Variants in TIAM1 observed in about 807,000 individuals in gnomAD.
TIAM1 encodes the protein rho guanine nucleotide exchange factor TIAM1.
In TIAM1, 65 loss-of-function variants were observed where a neutral mutation model predicts 163.5. The observed-to-expected ratio is 0.40, with a 90% CI of 0.33 to 0.49. The LOEUF (loss-of-function observed/expected upper bound fraction) is 0.49. Among genes scored for constraint, TIAM1 ranks in the 20% least tolerant of loss-of-function variants. The probability of loss-of-function intolerance (pLI) is 0.77; values close to 1 mark genes in which losing one functional copy is unlikely to be tolerated. For missense variants in TIAM1, 1,789 were observed against 2,044.7 expected, an observed-to-expected ratio of 0.87 and a Z score of 2.41; for synonymous variants, 833 against 810.1, an observed-to-expected ratio of 1.03 and a Z score of -0.48.
At chr21:31,304,918 C>T (rs915254588) in intron 2 of TIAM1, among the ~76,000 whole-genome samples, 41 of 152,280 alleles carry the variant, frequency 2.7e-4, no homozygotes, top group African/African-American at 6.7e-4. Flanking sequence ...GTCTCAAACT[C>T]CTGACCTCAA....
intron 1 of TIAM1, among the ~76,000 whole-genome samples, chr21:31,529,272 GA>G (rs922528863): frequency 7.3e-5 from 11 of 150,424 alleles, no homozygotes; most frequent in African/African-American, 2.7e-4. Flanking sequence ...GGGAAAGGTG[GA>G]AAAAAAAAGT....
chr21:31,202,250 AC>A (rs764787046), intron 12 of TIAM1, among the ~76,000 whole-genome samples: 8 of 152,088 alleles, frequency 5.3e-5, no homozygotes, highest in Non-Finnish European at 1.0e-4. Flanking sequence ...TTTTTAAGTC[AC>A]CAATTAAAAT....
At chr21:31,210,648 A>G (rs1455565387) in intron 10 of TIAM1, among the ~76,000 whole-genome samples, 471 of 24,016 alleles carry the variant, frequency 0.02, 21 homozygotes, top group African/African-American at 0.03. Context: ...AAAGAAAGAA[A>G]GAAAGAAAGA....
Position 31,165,010 on chromosome 21 carries a change from G to C in TIAM1, c.2943C>G (p.Thr981=). 6.2e-7 allele frequency: 1 copy of C among 1,614,074 alleles called. No homozygotes were observed. The highest frequency in any genetic ancestry group is 8.5e-7 in the Non-Finnish European group (1 of 1,180,034). ...CTGAGGATTCCAAGTCTGGCCCCTC[G>C]GTCTCCTCTGGAGCGGTCTCAGCAC... ...GSSAETAPEE[T]EGPDLESSDE... is the part of the protein sequence containing the mutation. Residue 981 remains threonine (T), a synonymous_variant, in exon 16 of 28, where the codon ACC becomes ACG. Coordinates refer to ENST00000541036, the MANE Select transcript of TIAM1 (RefSeq NM_001353694.2).
chr21:31,515,624 C>T (rs150184053), intron 1 of TIAM1, among the ~76,000 whole-genome samples: 3 of 152,250 alleles, frequency 2.0e-5, no homozygotes, highest in African/African-American at 2.4e-5. Flanking sequence ...AGTGTGAAAT[C>T]GACAACTTTA....
chr21:31,167,076 T>C (rs948991028), intron 15 of TIAM1, among the ~76,000 whole-genome samples: 4 of 146,080 alleles, frequency 2.7e-5, no homozygotes, highest in African/African-American at 7.6e-5. Flanking sequence ...GGAAAGCAAA[T>C]AAAAGGATTT....
chr21:31,213,404 A>G lies in TIAM1; in HGVS notation c.2211T>C (p.Asp737=), dbSNP rs559522823. 5 of 1,608,638 alleles carry G rather than the reference A, an allele frequency of 3.1e-6. No homozygotes were observed. In the Admixed American group the frequency reaches 6.9e-5, roughly 22 times the overall value. ...LEGIFDDIVP[D]GKREKEVVLP... ...AACACACGTTTATTTTTACCTTGCCATCTGGAACAATGTCATCAAATATTC... is the reference window on the plus strand; with the variant it reads ...AACACACGTTTATTTTTACCTTGCCGTCTGGAACAATGTCATCAAATATTC... The change falls in exon 10 of 28, where the codon GAT becomes GAC. Residue 737 remains aspartate, a synonymous_variant. Transcript: ENST00000541036.
upstream of TIAM1, among the ~76,000 whole-genome samples, chr21:31,345,344 G>C (rs568832759): frequency 1.3e-5 from 2 of 152,048 alleles, no homozygotes; most frequent in South Asian, 4.2e-4. Context: ...AAGTCATAAT[G>C]ACTCAAATGC....
At chr21:31,297,456 G>A (rs542087959) in intron 2 of TIAM1, among the ~76,000 whole-genome samples, 4 of 152,290 alleles carry the variant, frequency 2.6e-5, no homozygotes, top group East Asian at 1.9e-4. Flanking sequence ...GTGCAATGGC[G>A]AGATCTCGGC....
chr21:31,161,296 A>G (rs1011654387), intron 16 of TIAM1, among the ~76,000 whole-genome samples: 1 of 152,204 alleles, frequency 6.6e-6, no homozygotes, highest in African/African-American at 2.4e-5. Context: ...GCTAATTAGC[A>G]TTCATCTCCA....
chr21:31,139,849 C>T (rs1388544954), intron 22 of TIAM1, among the ~76,000 whole-genome samples: 2 of 152,150 alleles, frequency 1.3e-5, no homozygotes, highest in African/African-American at 4.8e-5. Context: ...TCTTTGAGAG[C>T]CTGTGCGATT....
intron 6 of TIAM1, among the ~76,000 whole-genome samples, chr21:31,227,798 A>G (rs2088076175): frequency 6.6e-6 from 1 of 152,176 alleles, no homozygotes; most frequent in Non-Finnish European, 1.5e-5. Context: ...GCTCTCCTGC[A>G]TCTAATGAGA....
chr21:31,244,702 G>T (rs186938504), intron 6 of TIAM1, among the ~76,000 whole-genome samples: 8 of 152,278 alleles, frequency 5.3e-5, no homozygotes, highest in African/African-American at 1.9e-4. Flanking sequence ...TTCCAGCATG[G>T]GTGACAAAGC....
chr21:31,514,374 C>T (rs1433243941), intron 1 of TIAM1, among the ~76,000 whole-genome samples: 1 of 152,078 alleles, frequency 6.6e-6, no homozygotes, highest in African/African-American at 2.4e-5. Flanking sequence ...AGCAAAGCAG[C>T]TGCCACAAAT....
chr21:31,288,262 A>C (rs1221416988), intron 2 of TIAM1, among the ~76,000 whole-genome samples: 3 of 152,158 alleles, frequency 2.0e-5, no homozygotes, highest in African/African-American at 4.8e-5. Context: ...AACAAACAAA[A>C]AAAACAACCT....
Position 31,167,325 on chromosome 21 carries a change from C to T in TIAM1, c.2888-2260G>A, listed in dbSNP as rs144265603. ...GAGGCTGGTTTTGAACTCCTGAATG[C>T]GCCCACCTCGGCCTCCCAAAGTGCT... On this transcript the variant is annotated intron_variant, in intron 15 of 27. Coordinates refer to ENST00000541036, the MANE Select transcript of TIAM1 (RefSeq NM_001353694.2). Among the ~76,000 whole-genome samples the T allele has an allele frequency of 4.3e-3, 648 of 152,140 alleles. 5 individuals are homozygous for T. Among genetic ancestry groups the T allele is most frequent in the African/African-American group, 0.015 (626 of 41,492 alleles).
At chr21:31,483,939 C>G (rs1178918607) in intron 1 of TIAM1, among the ~76,000 whole-genome samples, 1 of 152,154 alleles carries the variant, frequency 6.6e-6, no homozygotes, top group East Asian at 1.9e-4. Flanking sequence ...GGTTGGGTCC[C>G]CTGCAGAACT....
chr21:31,168,662 A>G (rs890576717), intron 15 of TIAM1, among the ~76,000 whole-genome samples: 1 of 152,170 alleles, frequency 6.6e-6, no homozygotes, highest in African/African-American at 2.4e-5. Context: ...GGCCTCCCCA[A>G]GTGCTAGGAT....
At chr21:31,510,485 A>G (rs1199187696) in intron 1 of TIAM1, among the ~76,000 whole-genome samples, 1 of 152,216 alleles carries the variant, frequency 6.6e-6, no homozygotes, top group Non-Finnish European at 1.5e-5. Flanking sequence ...AAGTTTCAAC[A>G]TAGGAAGTTT....
Sources: gnomAD v4.1 joint callset for allele counts (sites outside exome capture counted in the v4.1 genomes callset) on GRCh38, gnomAD v4.1.1 for gene constraint, MANE v1.5 for transcripts, NCBI Gene and HGNC (gene_info 2026-07-23, HGNC 2026-07-21) for gene names.